The following SLC24A2 variants were observed in gnomAD, a reference collection of about 807,000 sequenced individuals.
The protein encoded by SLC24A2 is sodium/potassium/calcium exchanger 2.
A neutral mutation model predicts 62.0 loss-of-function variants in SLC24A2; 36 were observed. That is an observed-to-expected ratio of 0.58 (90% CI 0.44 to 0.77). SLC24A2 has a LOEUF of 0.77. SLC24A2 is among the 30% of genes least tolerant of loss of function. The probability of loss-of-function intolerance (pLI) is 0.00; values close to 1 mark genes in which losing one functional copy is unlikely to be tolerated. For synonymous variants in SLC24A2, 358 were observed against 294.0 expected, an observed-to-expected ratio of 1.22 and a Z score of -2.23; for missense variants, 846 against 817.9, an observed-to-expected ratio of 1.03 and a Z score of -0.42.
chr9:19,683,124 C>T (rs958750750), intron 2 of SLC24A2, among the ~76,000 whole-genome samples: 1 of 152,014 alleles, frequency 6.6e-6, no homozygotes, highest in Non-Finnish European at 1.5e-5. Context: ...GAAAGGTTTA[C>T]TATGAAATCC....
intron 2 of SLC24A2, among the ~76,000 whole-genome samples, chr9:19,740,630 T>C (rs1821646661): frequency 6.6e-6 from 1 of 152,198 alleles, no homozygotes; most frequent in Non-Finnish European, 1.5e-5. Context: ...GGGGTTTACA[T>C]GAACATGTTA....
At chr9:19,817,283 G>C in the SLC24A2 span, among the ~76,000 whole-genome samples, 1 of 151,672 alleles carries the variant, frequency 6.6e-6, no homozygotes, top group Non-Finnish European at 1.5e-5. Flanking sequence ...TGAGACTCCT[G>C]CTTGAATTTT....
chr9:19,851,027 ATTTT>A, the SLC24A2 span, among the ~76,000 whole-genome samples: 1 of 55,292 alleles, frequency 1.8e-5, no homozygotes, highest in Non-Finnish European at 3.3e-5. Context: ...ATATATACAT[ATTTT>A]TTTTTTTTTT....
chr9:20,082,688 G>A, the SLC24A2 span, among the ~76,000 whole-genome samples: 1 of 152,378 alleles, frequency 6.6e-6, no homozygotes, highest in Non-Finnish European at 1.5e-5. Context: ...GGAAAGGAAA[G>A]TGGAAGATGC....
the SLC24A2 span, among the ~76,000 whole-genome samples, chr9:19,880,697 G>A: frequency 6.6e-6 from 1 of 152,144 alleles, no homozygotes; most frequent in Non-Finnish European, 1.5e-5. Context: ...AGAAGTCAGG[G>A]ATGGCTTGAG....
At chr9:20,034,451 G>GTTTTTTT in the SLC24A2 span, among the ~76,000 whole-genome samples, 1 of 83,180 alleles carries the variant, frequency 1.2e-5, no homozygotes, top group African/African-American at 5.3e-5. Context: ...GGCCTTTTAA[G>GTTTTTTT]TTTTTTTTTT....
At chr9:20,082,674 A>G in the SLC24A2 span, among the ~76,000 whole-genome samples, 1 of 152,238 alleles carries the variant, frequency 6.6e-6, no homozygotes, top group Non-Finnish European at 1.5e-5. Flanking sequence ...TTTTGCTGTA[A>G]TCTGGAAAGG....
At chr9:19,945,247 C>T in the SLC24A2 span, among the ~76,000 whole-genome samples, 1 of 151,982 alleles carries the variant, frequency 6.6e-6, no homozygotes, top group South Asian at 2.1e-4. Context: ...GGACCAGGCT[C>T]TTCTAGCACA....
the SLC24A2 span, among the ~76,000 whole-genome samples, chr9:19,807,258 G>A: frequency 1.2e-3 from 189 of 152,304 alleles, 2 homozygotes; most frequent in African/African-American, 4.4e-3. Context: ...ATGGTAACAA[G>A]GAACAAAAGG....
intron 2 of SLC24A2, among the ~76,000 whole-genome samples, chr9:19,630,973 C>G (rs1161975493): frequency 6.6e-6 from 1 of 152,176 alleles, no homozygotes; most frequent in African/African-American, 2.4e-5. Context: ...AAGTTCGTTT[C>G]AAGCACTGCC....
At chr9:20,054,107 G>C in the SLC24A2 span, among the ~76,000 whole-genome samples, 1 of 152,106 alleles carries the variant, frequency 6.6e-6, no homozygotes, top group African/African-American at 2.4e-5. Context: ...GGGGAAACAG[G>C]TGGTGTTTAG....
chr9:19,588,051 C>T (rs1479143106), intron 5 of SLC24A2, among the ~76,000 whole-genome samples: 1 of 152,288 alleles, frequency 6.6e-6, no homozygotes, highest in African/African-American at 2.4e-5. Flanking sequence ...GCTGGTTAGC[C>T]TGGTTATGCA....
At chr9:20,062,140 G>A in the SLC24A2 span, among the ~76,000 whole-genome samples, 7 of 152,222 alleles carry the variant, frequency 4.6e-5, no homozygotes, top group East Asian at 1.4e-3. Context: ...GAAGTGGGAG[G>A]ATCACTTGAG....
At chr9:19,881,856 T>G in the SLC24A2 span, among the ~76,000 whole-genome samples, 1 of 152,324 alleles carries the variant, frequency 6.6e-6, no homozygotes, top group African/African-American at 2.4e-5. Context: ...CAATTTTGGT[T>G]TCATGGACTC....
rs1440712861 is a variant in SLC24A2 at position 19,515,256 on chromosome 9, C to G, written c.*897G>C. 1 of 152,110 alleles carries G rather than the reference C, an allele frequency of 6.6e-6. No individual in the cohort carries two copies. The highest frequency in any genetic ancestry group is 1.5e-5 in the Non-Finnish European group (1 of 68,018). 9.4% of individuals were successfully genotyped at this position (152,110 alleles called of 1,614,324 possible). A position where few individuals can be genotyped will look rare whatever the true frequency, so the allele number is the denominator to read the frequency against. ...GGGACAATATAAGAACAAAACAAAA[C>G]AACCCAACCCTGGTTACCTCCCCAC... On this transcript the variant is annotated 3_prime_UTR_variant, in exon 11 of 11. Coordinates refer to ENST00000341998, the MANE Select transcript of SLC24A2 (RefSeq NM_020344.4).
intron 2 of SLC24A2, among the ~76,000 whole-genome samples, chr9:19,642,353 G>T (rs1299459265): frequency 1.3e-5 from 2 of 152,196 alleles, no homozygotes; most frequent in Admixed American, 1.3e-4. Flanking sequence ...GTGAAGATGT[G>T]CCCAGTCATC....
the SLC24A2 span, among the ~76,000 whole-genome samples, chr9:20,025,928 C>A: frequency 6.6e-6 from 1 of 152,044 alleles, no homozygotes; most frequent in African/African-American, 2.4e-5. Context: ...TTTCTCTTGC[C>A]CCTAATAAAA....
chr9:19,650,156 C>T (rs944387388), intron 2 of SLC24A2, among the ~76,000 whole-genome samples: 1 of 152,180 alleles, frequency 6.6e-6, no homozygotes, highest in African/African-American at 2.4e-5. Flanking sequence ...CTGGTAAATG[C>T]TCAACAAATG....
chr9:19,714,469 C>A (rs1431081179), intron 2 of SLC24A2, among the ~76,000 whole-genome samples: 1 of 151,024 alleles, frequency 6.6e-6, no homozygotes, highest in Non-Finnish European at 1.5e-5. Context: ...AAATCGCCAT[C>A]TTTACTTCTG....
Sources: gnomAD v4.1 joint callset for allele counts (sites outside exome capture counted in the v4.1 genomes callset) on GRCh38, gnomAD v4.1.1 for gene constraint, MANE v1.5 for transcripts, NCBI Gene and HGNC (gene_info 2026-07-23, HGNC 2026-07-21) for gene names.